Variants in NPFFR2 observed in about 807,000 individuals in gnomAD.
NPFFR2 encodes neuropeptide FF receptor 2, also known as G-protein coupled receptor 74.
In NPFFR2, 15 loss-of-function variants were observed where a neutral mutation model predicts 13.1. The ratio of observed to expected loss-of-function variants is 1.15; its 90% CI spans 0.77 to 1.76. The LOEUF is 1.76. NPFFR2 is among the 40% of genes most tolerant of loss of function. The pLI, the probability that NPFFR2 is intolerant of heterozygous loss-of-function variation, is 0.00. For missense variants in NPFFR2, 572 were observed against 503.5 expected, an observed-to-expected ratio of 1.14 and a Z score of -1.30; for synonymous variants, 190 against 175.7, an observed-to-expected ratio of 1.08 and a Z score of -0.65.
intron 1 of NPFFR2, among the ~76,000 whole-genome samples, chr4:72,047,544 A>T (rs1719413576): frequency 6.6e-6 from 1 of 152,112 alleles, no homozygotes. Flanking sequence ...GATCTGGTTT[A>T]GCTCTCCCTG....
chr4:72,084,703 T>G (rs1287780724), intron 1 of NPFFR2, among the ~76,000 whole-genome samples: 1 of 152,146 alleles, frequency 6.6e-6, no homozygotes, highest in Non-Finnish European at 1.5e-5. Context: ...CGTTTGTGCT[T>G]CAGTGCTTTC....
intron 1 of NPFFR2, among the ~76,000 whole-genome samples, chr4:72,051,850 A>G (rs1055103501): frequency 1.2e-4 from 18 of 151,934 alleles, no homozygotes; most frequent in African/African-American, 4.1e-4. Context: ...ACTACCATCA[A>G]AGAATACTAC....
intron 1 of NPFFR2, among the ~76,000 whole-genome samples, chr4:72,100,199 G>A (rs796300293): frequency 2.0e-5 from 3 of 151,996 alleles, no homozygotes; most frequent in African/African-American, 4.8e-5. Flanking sequence ...ATAAAAGTAC[G>A]TATGATTTGG....
intron 3 of NPFFR2, chr4:72,146,555 G>T (rs1267602897): frequency 5.8e-6 from 1 of 172,156 alleles, no homozygotes; most frequent in Non-Finnish European, 1.2e-5. Flanking sequence ...TAAAGAGGAC[G>T]ATGTAGAGGT....
intron 1 of NPFFR2, among the ~76,000 whole-genome samples, chr4:72,091,846 C>G (rs1720926306): frequency 6.6e-6 from 1 of 151,778 alleles, no homozygotes; most frequent in Non-Finnish European, 1.5e-5. Context: ...TAGTTTTGCT[C>G]TGATCATGTT....
intron 1 of NPFFR2, among the ~76,000 whole-genome samples, chr4:72,038,847 C>T (rs1719111649): frequency 6.6e-6 from 1 of 150,622 alleles, no homozygotes; most frequent in Non-Finnish European, 1.5e-5. Context: ...TGCATAAGTG[C>T]CTAAACTAAA....
At position 72,126,073 on chromosome 4, in the gene NPFFR2, A is replaced by G. The variant is rs1333760418; in HGVS notation, c.-7-2512A>G. The stretch of plus-strand genomic sequence containing the variant: ...TCTAATATTTCCTCAGGATAAGATT[A>G]TGCATTTTTGACAAAAATATTGCTA... On this transcript the variant is annotated intron_variant, in intron 1 of 3. Transcript: ENST00000308744. Among the ~76,000 whole-genome samples the G allele has an allele frequency of 5.9e-5, 9 of 152,330 alleles. No homozygotes were observed. The East Asian group carries it at 1.7e-3, about 29-fold the overall frequency.
rs1245506892 is a variant in NPFFR2 at position 72,147,201 on chromosome 4, A to T, written c.652A>T (p.Ile218Phe). ...EDWPNQEMRK[I>F]YTTVLFANIY... ...CTGGCCAAATCAGGAAATGAGGAAG[A>T]TCTACACCACTGTGCTGTTTGCCAA... The change falls in exon 4 of 4, where the codon ATC (isoleucine) becomes TTC (phenylalanine). Residue 218 changes from isoleucine to phenylalanine, a missense_variant. Transcript: ENST00000308744. 2 of 1,614,032 alleles carry T rather than the reference A, an allele frequency of 1.2e-6. No individual in the cohort carries two copies. The highest frequency in any genetic ancestry group is 1.3e-5 in the African/African-American group (1 of 74,936).
chr4:72,124,960 G>T (rs950082833), intron 1 of NPFFR2, among the ~76,000 whole-genome samples: 6 of 152,182 alleles, frequency 3.9e-5, no homozygotes, highest in African/African-American at 1.4e-4. Context: ...TGCAGCAAAA[G>T]AAACTATCAT....
chr4:72,119,537 A>G, intron 1 of NPFFR2, among the ~76,000 whole-genome samples: 1 of 152,180 alleles, frequency 6.6e-6, no homozygotes, highest in African/African-American at 2.4e-5. Flanking sequence ...AGCGAGATCA[A>G]CACAGAAGGC....
intron 1 of NPFFR2, among the ~76,000 whole-genome samples, chr4:72,041,313 G>A (rs1008933230): frequency 2.6e-5 from 4 of 152,186 alleles, no homozygotes; most frequent in Non-Finnish European, 5.9e-5. Flanking sequence ...CCATGTTGCT[G>A]CAAAGTACAT....
In NPFFR2 at chr4:72,065,091, GA is replaced by G. The variant is rs560115744; in HGVS notation, c.-8+32904del. Among the ~76,000 whole-genome samples, 152 of 103,186 alleles carry G rather than the reference GA, an allele frequency of 1.5e-3. 1 individual carries two copies. The highest frequency in any genetic ancestry group is 5.3e-3 in the Middle Eastern group (1 of 188). The allele number at this position is 103,186 out of a possible 152,430, so 67.7% of individuals were successfully genotyped here. On this transcript the variant is annotated intron_variant, in intron 1 of 3. Transcript: ENST00000308744. ...AAACAACCAGCACTGGTTGCTCAGA[GA>G]AAAAAAAAAAAACAAAGCTTATGAC...
At chr4:72,043,043 G>A (rs1409086376) in intron 1 of NPFFR2, among the ~76,000 whole-genome samples, 7 of 152,154 alleles carry the variant, frequency 4.6e-5, no homozygotes, top group African/African-American at 1.7e-4. Flanking sequence ...TCAGCCTTGG[G>A]ACTTGGTGCC....
chr4:72,072,216 C>T (rs1720277624), intron 1 of NPFFR2, among the ~76,000 whole-genome samples: 1 of 151,944 alleles, frequency 6.6e-6, no homozygotes, highest in Admixed American at 6.6e-5. Flanking sequence ...CAAAGGAAAA[C>T]CGCACAAACT....
chr4:72,138,189 T>C, intron 3 of NPFFR2, 50 bp downstream of exon 3: 1 of 1,200,358 alleles, frequency 8.3e-7, no homozygotes, highest in Non-Finnish European at 1.2e-6. Flanking sequence ...TGTCTGCAAC[T>C]AGTATACCAG....
chr4:72,090,392 GA>G lies in NPFFR2; in HGVS notation c.-7-38191del, dbSNP rs1260543026. The stretch of plus-strand genomic sequence containing the variant: ...ATGGTATTTTGATGTGAATTGCATT[GA>G]ATTTATAGATTGCTTTTGGTAGTAT... On this transcript the variant is annotated intron_variant, in intron 1 of 3. Coordinates refer to ENST00000308744, the MANE Select transcript of NPFFR2 (RefSeq NM_004885.3). Among the ~76,000 whole-genome samples the G allele has an allele frequency of 2.0e-5, 3 of 152,142 alleles. No individual in the cohort carries two copies. The East Asian group carries it at 5.8e-4, about 29-fold the overall frequency.
intron 1 of NPFFR2, among the ~76,000 whole-genome samples, chr4:72,087,984 G>C (rs1384779384): frequency 6.6e-6 from 1 of 151,906 alleles, no homozygotes; most frequent in Non-Finnish European, 1.5e-5. Flanking sequence ...TAAATGGGAG[G>C]TCAAGAAAGC....
chr4:72,052,333 G>C (rs1274436653), intron 1 of NPFFR2, among the ~76,000 whole-genome samples: 1 of 124,734 alleles, frequency 8.0e-6, no homozygotes, highest in Non-Finnish European at 1.7e-5. Context: ...ATGCAAGGCT[G>C]GTTCAATATA....
intron 3 of NPFFR2, among the ~76,000 whole-genome samples, chr4:72,142,892 C>T (rs1195880079): frequency 6.6e-6 from 1 of 152,144 alleles, no homozygotes; most frequent in Non-Finnish European, 1.5e-5. Flanking sequence ...AGGAAGGCTA[C>T]AATCTGGCGG....
Sources: allele counts gnomAD v4.1 joint callset (sites outside exome capture counted in the v4.1 genomes callset), GRCh38; gene constraint gnomAD v4.1.1; transcripts MANE v1.5; gene names NCBI Gene and HGNC (gene_info 2026-07-23, HGNC 2026-07-21).